FGF12: variants seen among roughly 807,000 people sequenced by gnomAD.
FGF12 encodes the protein fibroblast growth factor 12B.
In FGF12, 14 loss-of-function variants were observed where a neutral mutation model predicts 23.6. The observed-to-expected ratio is 0.59, with a 90% CI of 0.39 to 0.93. FGF12 has a LOEUF of 0.93. Among genes scored for constraint, FGF12 ranks in the 40% least tolerant of loss-of-function variants. FGF12 has a pLI of 0.00. For synonymous variants in FGF12, 62 were observed against 77.3 expected (o/e 0.80, Z 1.04); for missense variants, 175 against 217.8 (o/e 0.80, Z 1.24).
At chr3:192,163,828 A>AGTGTGTGTGTGTGTGTGT (rs35349561) in intron 5 of FGF12, among the ~76,000 whole-genome samples, 6,716 of 149,396 alleles carry the variant, frequency 0.045, 194 homozygotes, top group East Asian at 0.11. Context: ...AGTGTGTGTG[A>AGTGTGTGTGTGTGTGTGT]GTGTGTGTGT....
chr3:192,183,292 A>C (rs574584605), intron 4 of FGF12, among the ~76,000 whole-genome samples: 2 of 152,244 alleles, frequency 1.3e-5, no homozygotes, highest in East Asian at 3.9e-4. Flanking sequence ...CTAGAAACGC[A>C]CATCTCACAG....
chr3:192,203,133 TTGTGTGTGTGTGTGTG>T (rs57503863), intron 4 of FGF12, among the ~76,000 whole-genome samples: 2 of 148,190 alleles, frequency 1.3e-5, no homozygotes, highest in African/African-American at 2.5e-5. Context: ...CATTAAATAT[TTGTGTGTGTGTGTGTG>T]TGTGTGTGTG....
intron 5 of FGF12, among the ~76,000 whole-genome samples, chr3:192,165,434 A>G (rs183246099): frequency 3.3e-5 from 5 of 152,286 alleles, no homozygotes; most frequent in African/African-American, 1.2e-4. Flanking sequence ...GGTTCTATGA[A>G]GGAACATGGT....
intron 4 of FGF12, among the ~76,000 whole-genome samples, chr3:192,233,482 C>T (rs1328959308): frequency 6.6e-6 from 1 of 152,038 alleles, no homozygotes; most frequent in Non-Finnish European, 1.5e-5. Flanking sequence ...TTGCAATTTT[C>T]TCCCATTCTG....
At chr3:192,722,740 T>C (rs1205691495) in intron 2 of FGF12, among the ~76,000 whole-genome samples, 3 of 152,196 alleles carry the variant, frequency 2.0e-5, no homozygotes, top group Admixed American at 1.3e-4. Flanking sequence ...TTAAATATTC[T>C]ACCTGAGATA....
rs1350770592 is a variant in FGF12 at position 192,336,183 on chromosome 3, CAT to C, written c.125-721_125-720del. Among the ~76,000 whole-genome samples, 3 of 149,338 alleles carry C rather than the reference CAT, an allele frequency of 2.0e-5. No homozygotes were observed. Among genetic ancestry groups the C allele is most frequent in the East Asian group, 3.9e-4 (2 of 5,128 alleles). On this transcript the variant is annotated intron_variant, in intron 3 of 5. Transcript: ENST00000445105. The surrounding 1 kb of genome is among the most constrained non-coding windows in gnomAD (Gnocchi z 4.3). ...CTATATATATACAAATATATATACACATATATATATGCACACACACACACATA... is the reference window on the plus strand; with the variant it reads ...CTATATATATACAAATATATATACACATATATATGCACACACACACACATA...
At chr3:192,653,065 T>C (rs1393436715) in intron 2 of FGF12, among the ~76,000 whole-genome samples, 3 of 152,194 alleles carry the variant, frequency 2.0e-5, no homozygotes, top group Admixed American at 6.5e-5. Context: ...TGTAACATCA[T>C]ATTTCGAATG....
At chr3:192,278,956 C>T (rs1713970307) in intron 4 of FGF12, among the ~76,000 whole-genome samples, 1 of 150,594 alleles carries the variant, frequency 6.6e-6, no homozygotes, top group African/African-American at 2.4e-5. Context: ...TTTTTGGTGG[C>T]CTTCCTGCAA....
chr3:192,266,764 C>A (rs540818539), intron 4 of FGF12, among the ~76,000 whole-genome samples: 9 of 151,640 alleles, frequency 5.9e-5, no homozygotes, highest in Non-Finnish European at 2.9e-5. Flanking sequence ...TAACCACGTT[C>A]TTTTCAAAAG....
chr3:192,176,603 G>T (rs1460928), intron 4 of FGF12, among the ~76,000 whole-genome samples: 6,632 of 152,204 alleles, frequency 0.044, 192 homozygotes, highest in Admixed American at 0.059. Flanking sequence ...ATTTAATTTT[G>T]TTAAAAATCT....
At chr3:192,437,031 T>C (rs1722047279) in intron 2 of FGF12, among the ~76,000 whole-genome samples, 2 of 152,032 alleles carry the variant, frequency 1.3e-5, no homozygotes, top group Admixed American at 1.3e-4. Context: ...AGGACGAGAG[T>C]GATATAGTCT....
At chr3:192,260,938 G>C (rs138125239) in intron 4 of FGF12, among the ~76,000 whole-genome samples, 1 of 152,126 alleles carries the variant, frequency 6.6e-6, no homozygotes, top group Non-Finnish European at 1.5e-5. Flanking sequence ...CAGAAGTTGT[G>C]AGAACCAAGG....
chr3:192,564,428 A>AT (rs1712189346), intron 2 of FGF12, among the ~76,000 whole-genome samples: 1 of 151,962 alleles, frequency 6.6e-6, no homozygotes, highest in Non-Finnish European at 1.5e-5. Context: ...CAGGGATTAC[A>AT]TTTTTTCATG....
chr3:192,602,206 G>C lies in FGF12; in HGVS notation c.13+124975C>G, dbSNP rs77605110. On this transcript the variant is annotated intron_variant, in intron 2 of 5. Transcript: ENST00000445105. Reference sequence around the variant, plus strand: ...GGGGAGATTGTGTATGTGGTGAGAGGGAGAGGATATATAGGAACTTTCTGC... The same window carrying C: ...GGGGAGATTGTGTATGTGGTGAGAGCGAGAGGATATATAGGAACTTTCTGC... Among the ~76,000 whole-genome samples, 973 of 152,216 alleles carry C rather than the reference G, an allele frequency of 6.4e-3. 13 individuals carry two copies. The highest frequency in any genetic ancestry group is 0.022 in the African/African-American group (926 of 41,530).
intron 2 of FGF12, among the ~76,000 whole-genome samples, chr3:192,683,075 A>G (rs1295146967): frequency 6.6e-6 from 1 of 152,194 alleles, no homozygotes; most frequent in East Asian, 1.9e-4. Flanking sequence ...ATAGAACTAT[A>G]ATCCTAATAC....
At chr3:192,265,546 AG>A (rs1195509864) in intron 4 of FGF12, 1 of 152,220 alleles carries the variant, frequency 6.6e-6, no homozygotes, top group African/African-American at 2.4e-5. Flanking sequence ...AGCAAAGAAC[AG>A]TTTTAACATT....
At chr3:192,484,673 G>A (rs998122683) in intron 2 of FGF12, among the ~76,000 whole-genome samples, 12 of 152,262 alleles carry the variant, frequency 7.9e-5, no homozygotes, top group African/African-American at 2.9e-4. Flanking sequence ...TTGCCATAAA[G>A]GTGGGCGGAC....
chr3:192,248,622 C>CA (rs1160030782), intron 4 of FGF12, among the ~76,000 whole-genome samples: 1 of 151,876 alleles, frequency 6.6e-6, no homozygotes, highest in Non-Finnish European at 1.5e-5. Context: ...AAAATAAAAA[C>CA]AAAAAATTAG....
intron 4 of FGF12, among the ~76,000 whole-genome samples, chr3:192,172,284 G>T (rs533765690): frequency 2.1e-4 from 32 of 150,274 alleles, no homozygotes; most frequent in African/African-American, 7.3e-4. Flanking sequence ...AGCTACTCGG[G>T]AGGCTGAGGT....
Sources: allele counts gnomAD v4.1 joint callset (sites outside exome capture counted in the v4.1 genomes callset), GRCh38; gene constraint gnomAD v4.1.1; non-coding constraint Gnocchi (gnomAD v3.1); transcripts MANE v1.5; gene names NCBI Gene and HGNC (gene_info 2026-07-23, HGNC 2026-07-21).